The following CNTN5 variants were observed in gnomAD, a reference collection of about 807,000 sequenced individuals.
The protein encoded by CNTN5 is contactin 5.
Under a neutral mutation model 129.1 loss-of-function variants are expected in CNTN5, and 77 were observed. The observed-to-expected ratio is 0.60, with a 90% CI of 0.50 to 0.72. The LOEUF (loss-of-function observed/expected upper bound fraction) is 0.72. Ranked by LOEUF, CNTN5 falls within the 30% of genes least tolerant of loss-of-function variation. CNTN5 has a pLI of 0.00. For missense variants in CNTN5, 1,478 were observed against 1,328.8 expected, an observed-to-expected ratio of 1.11 and a Z score of -1.75; for synonymous variants, 509 against 465.6, an observed-to-expected ratio of 1.09 and a Z score of -1.20.
intron 16 of CNTN5, among the ~76,000 whole-genome samples, chr11:100,228,175 A>G (rs1404949080): frequency 2.6e-5 from 4 of 152,200 alleles, no homozygotes; most frequent in Non-Finnish European, 4.4e-5. Flanking sequence ...TCTGCTTCTT[A>G]GTACAAAACA....
At chr11:100,273,582 C>T (rs1950447515) in intron 18 of CNTN5, among the ~76,000 whole-genome samples, 1 of 152,122 alleles carries the variant, frequency 6.6e-6, no homozygotes, top group Admixed American at 6.5e-5. Flanking sequence ...CCCAGACCTG[C>T]ACCTGTCAGT....
At chr11:99,265,275 T>A (rs185509641) in intron 1 of CNTN5, among the ~76,000 whole-genome samples, 124 of 152,178 alleles carry the variant, frequency 8.1e-4, no homozygotes, top group Middle Eastern at 3.4e-3. Context: ...ATTGTAGAAT[T>A]GTGTGCAAAT....
intron 4 of CNTN5, among the ~76,000 whole-genome samples, chr11:99,823,971 A>G (rs578090143): frequency 2.6e-5 from 4 of 152,148 alleles, no homozygotes; most frequent in African/African-American, 9.6e-5. Context: ...TATCCTAGAG[A>G]TTCATGTATC....
chr11:99,851,818 T>G (rs1210818206), intron 6 of CNTN5, among the ~76,000 whole-genome samples: 2 of 152,200 alleles, frequency 1.3e-5, no homozygotes, highest in African/African-American at 4.8e-5. Flanking sequence ...GCCCTTTAAT[T>G]TAACCTTTCA....
At chr11:100,265,136 C>T (rs1297929166) in intron 17 of CNTN5, among the ~76,000 whole-genome samples, 1 of 151,976 alleles carries the variant, frequency 6.6e-6, no homozygotes, top group Admixed American at 6.6e-5. Context: ...TCTAAAAACC[C>T]AAGAATTGTG....
intron 9 of CNTN5, among the ~76,000 whole-genome samples, chr11:100,030,925 A>T (rs1484854345): frequency 1.3e-5 from 2 of 152,018 alleles, no homozygotes; most frequent in East Asian, 1.9e-4. Flanking sequence ...CCCAAATACA[A>T]TTTTTTCGTG....
rs12276599 is a variant in CNTN5 at position 99,052,507 on chromosome 11, G to A, written c.-210+31237G>A. On this transcript the variant is annotated intron_variant, in intron 1 of 24. Coordinates refer to ENST00000524871, the MANE Select transcript of CNTN5 (RefSeq NM_014361.4). ...GCCCAGGAGCAATAGGCTATATAGC[G>A]CAGGTACATAATAGTGTATAAGATT... 9.2e-3 allele frequency among the ~76,000 whole-genome samples: 1,393 copies of A among 151,884 alleles called. 31 individuals are homozygous for A. The highest frequency in any genetic ancestry group is 0.029 in the African/African-American group (1,191 of 41,478).
intron 3 of CNTN5, among the ~76,000 whole-genome samples, chr11:99,746,610 G>C (rs1944063858): frequency 6.6e-6 from 1 of 152,146 alleles, no homozygotes; most frequent in Non-Finnish European, 1.5e-5. Context: ...TGTGAACTGA[G>C]CATGTGAGGG....
intron 2 of CNTN5, among the ~76,000 whole-genome samples, chr11:99,519,810 G>T (rs1339222942): frequency 6.6e-6 from 1 of 152,056 alleles, no homozygotes; most frequent in Non-Finnish European, 1.5e-5. Flanking sequence ...ACTGTCAAAA[G>T]AGTTGATATG....
intron 2 of CNTN5, among the ~76,000 whole-genome samples, chr11:99,451,669 A>T (rs1313363731): frequency 6.6e-6 from 1 of 152,194 alleles, no homozygotes; most frequent in African/African-American, 2.4e-5. Context: ...AAATAAAATT[A>T]TCCTTACAGT....
intron 1 of CNTN5, among the ~76,000 whole-genome samples, chr11:99,032,230 T>C (rs1863427594): frequency 6.6e-6 from 1 of 152,060 alleles, no homozygotes; most frequent in Non-Finnish European, 1.5e-5. Context: ...TAAGCATACG[T>C]GTGCATGTGT....
chr11:100,121,781 G>A (rs1345034355), intron 13 of CNTN5, among the ~76,000 whole-genome samples: 4 of 151,856 alleles, frequency 2.6e-5, no homozygotes, highest in African/African-American at 9.7e-5. Context: ...TGTAGTGGGA[G>A]AAAACAGTCA....
intron 17 of CNTN5, among the ~76,000 whole-genome samples, chr11:100,264,873 T>C (rs1249545307): frequency 6.6e-6 from 1 of 152,160 alleles, no homozygotes; most frequent in Non-Finnish European, 1.5e-5. Flanking sequence ...TTCCTATTTC[T>C]CCACAGCCTC....
At chr11:99,091,876 A>G (rs572431679) in intron 1 of CNTN5, among the ~76,000 whole-genome samples, 9 of 152,108 alleles carry the variant, frequency 5.9e-5, no homozygotes, top group African/African-American at 2.2e-4. Flanking sequence ...AACAAAACTA[A>G]CTCAATGATC....
At chr11:99,932,566 G>C (rs1374779946) in intron 7 of CNTN5, among the ~76,000 whole-genome samples, 4 of 151,966 alleles carry the variant, frequency 2.6e-5, no homozygotes, top group African/African-American at 7.3e-5. Context: ...TGGGCTCTAG[G>C]GTCAGAAGGA....
At chr11:99,968,057 A>T (rs1050841378) in intron 8 of CNTN5, among the ~76,000 whole-genome samples, 1 of 152,192 alleles carries the variant, frequency 6.6e-6, no homozygotes, top group Non-Finnish European at 1.5e-5. Context: ...AAAGCTGTAC[A>T]CATCTTCGCA....
chr11:99,522,027 ATCT>A (rs145344039), intron 2 of CNTN5, among the ~76,000 whole-genome samples: 1,585 of 152,300 alleles, frequency 0.01, 8 homozygotes, highest in Non-Finnish European at 0.018. Context: ...ATAAAAAATC[ATCT>A]TCTATGAGAA....
intron 1 of CNTN5, among the ~76,000 whole-genome samples, chr11:99,058,186 A>C (rs1219330859): frequency 6.6e-6 from 1 of 152,024 alleles, no homozygotes; most frequent in African/African-American, 2.4e-5. Flanking sequence ...TTTTGAGCAT[A>C]GTAGGCTTTC....
At chr11:99,170,500 G>A (rs573394619) in intron 1 of CNTN5, among the ~76,000 whole-genome samples, 1 of 152,084 alleles carries the variant, frequency 6.6e-6, no homozygotes, top group East Asian at 1.9e-4. Context: ...TAAATGATCT[G>A]TAAGATTGCT....
Sources: gnomAD v4.1 joint callset for allele counts (sites outside exome capture counted in the v4.1 genomes callset) on GRCh38, gnomAD v4.1.1 for gene constraint, MANE v1.5 for transcripts, NCBI Gene and HGNC (gene_info 2026-07-23, HGNC 2026-07-21) for gene names.